The following SLC2A14 variants were observed in gnomAD, a reference collection of about 807,000 sequenced individuals.
The protein encoded by SLC2A14 is solute carrier family 2 member 14.
SLC2A14 carries 13 observed loss-of-function variants against 43.0 expected under a neutral mutation model. That is an observed-to-expected ratio of 0.30 (90% CI 0.20 to 0.48). The LOEUF (loss-of-function observed/expected upper bound fraction) is 0.48, where lower values mean the gene tolerates loss of function less well. Ranked by LOEUF, SLC2A14 falls within the 20% of genes least tolerant of loss-of-function variation. SLC2A14 has a pLI of 0.99. For missense variants in SLC2A14, 428 were observed against 620.4 expected, an observed-to-expected ratio of 0.69 and a Z score of 3.29; for synonymous variants, 190 against 233.8, an observed-to-expected ratio of 0.81 and a Z score of 1.71.
rs71281853 is a variant in SLC2A14, at chr12:7,860,793, C to CTT, written c.18+9068_18+9069dup. 1,070 of 146,894 alleles carry CTT rather than the reference C, an allele frequency of 7.3e-3. 10 individuals are homozygous for CTT. Among genetic ancestry groups the CTT allele is most frequent in the African/African-American group, 0.024 (953 of 40,094 alleles). The allele number at this position is 146,894 out of a possible 1,614,324, so 9.1% of individuals were successfully genotyped here. A position where few individuals can be genotyped will look rare whatever the true frequency, so the allele number is the denominator to read the frequency against. ...GCTCCCCACTGCACTTACTTGTCAA[C>CTT]TTTTTTTTTTTTTCCTGAGACAGAG... On this transcript the variant is annotated intron_variant, in intron 2 of 10. Coordinates refer to ENST00000431042, the MANE Select transcript of SLC2A14 (RefSeq NM_001286234.2).
At chr12:7,827,253 G>A (rs766728482) in intron 7 of SLC2A14, among the ~76,000 whole-genome samples, 105 of 143,048 alleles carry the variant, frequency 7.3e-4, no homozygotes, top group African/African-American at 2.4e-3. Flanking sequence ...GCACCACCAC[G>A]TCCAGCTAAT....
At chr12:7,891,143 G>C in exon 1 of SLC2A14, 1 of 1,530,236 alleles carries the variant, frequency 6.5e-7, no homozygotes, top group South Asian at 1.2e-5. Context: ...ACAAAAGTCA[G>C]GTTGTGTGGG....
chr12:7,884,099 A>T (rs10846119), intron 1 of SLC2A14, among the ~76,000 whole-genome samples: 28,199 of 150,956 alleles, frequency 0.19, 2,965 homozygotes, highest in Middle Eastern at 0.31. Context: ...AATTTTTTGT[A>T]TTTTTAGTAG....
chr12:7,871,115 T>G, intron 1 of SLC2A14: 1 of 1,340,364 alleles, frequency 7.5e-7, no homozygotes, highest in South Asian at 1.3e-5. Context: ...ACCACTTCCC[T>G]CACCATGTTT....
chr12:7,831,458 T>C, intron 4 of SLC2A14, 146 bp downstream of exon 4: 6 of 1,237,496 alleles, frequency 4.8e-6, no homozygotes, highest in Non-Finnish European at 6.7e-6. Flanking sequence ...GGCAGTCATA[T>C]TCGGGGCCAG....
intron 2 of SLC2A14, among the ~76,000 whole-genome samples, chr12:7,869,003 G>C (rs1174422566): frequency 1.3e-5 from 2 of 152,026 alleles, no homozygotes; most frequent in Admixed American, 1.3e-4. Flanking sequence ...AATTAGCCGG[G>C]CATGGTGGCT....
chr12:7,818,081 C>G, intron 9 of SLC2A14, 47 bp from the exon 10 acceptor site: 2 of 1,563,662 alleles, frequency 1.3e-6, no homozygotes, highest in South Asian at 1.2e-5. Flanking sequence ...GACAGTGTAA[C>G]CCAGGATCTA....
intron 2 of SLC2A14, among the ~76,000 whole-genome samples, chr12:7,837,566 G>A (rs1346032303): frequency 7.0e-6 from 1 of 143,762 alleles, no homozygotes; most frequent in Admixed American, 7.3e-5. Context: ...TTGAACCTGG[G>A]GGCGGAGGTT....
chr12:7,840,093 CAG>C (rs1865814774), intron 2 of SLC2A14, among the ~76,000 whole-genome samples: 1 of 126,552 alleles, frequency 7.9e-6, no homozygotes. Flanking sequence ...GCCTGGGAGA[CAG>C]AGCCAGACCC....
At chr12:7,819,328 G>A (rs974803202) in intron 9 of SLC2A14, among the ~76,000 whole-genome samples, 154 bp downstream of exon 9, 9 of 152,142 alleles carry the variant, frequency 5.9e-5, no homozygotes, top group African/African-American at 2.2e-4. Context: ...GTTCTCTGAT[G>A]ACCCATGTTT....
intron 2 of SLC2A14, chr12:7,840,038 G>A (rs1203323566): frequency 3.0e-6 from 1 of 338,560 alleles, no homozygotes; most frequent in South Asian, 2.3e-5. Context: ...CTTGAGCCCG[G>A]GAGGTCAAGC....
chr12:7,823,367 AGC>A, intron 7 of SLC2A14, among the ~76,000 whole-genome samples: 1 of 143,706 alleles, frequency 7.0e-6, no homozygotes, highest in Non-Finnish European at 1.5e-5. Flanking sequence ...TGGGCAACAG[AGC>A]GAGACTCCAT....
At chr12:7,886,103 C>A (rs907274613) in intron 1 of SLC2A14, among the ~76,000 whole-genome samples, 1 of 146,174 alleles carries the variant, frequency 6.8e-6, no homozygotes, top group Non-Finnish European at 1.5e-5. Context: ...TCTGCCTCAG[C>A]CTCCTGAGTA....
At chr12:7,853,915 T>C (rs35974170) in intron 2 of SLC2A14, among the ~76,000 whole-genome samples, 20,521 of 152,134 alleles carry the variant, frequency 0.13, 1,457 homozygotes, top group African/African-American at 0.16. Flanking sequence ...TGAATGGAAA[T>C]GAGCATCAAA....
intron 1 of SLC2A14, chr12:7,871,317 T>C: frequency 1.9e-6 from 2 of 1,064,650 alleles, no homozygotes; most frequent in South Asian, 2.6e-5. Context: ...AAAGACAAGT[T>C]CAACTAGGTG....
At chr12:7,871,514 C>A in intron 1 of SLC2A14, 1 of 163,964 alleles carries the variant, frequency 6.1e-6, no homozygotes, top group Admixed American at 6.1e-5. Context: ...TCCCAGCTCC[C>A]AGTGGAGAAA....
chr12:7,830,033 G>T, intron 4 of SLC2A14, 27 bp from the exon 5 acceptor site: 1 of 1,612,946 alleles, frequency 6.2e-7, no homozygotes, highest in Admixed American at 1.7e-5. Flanking sequence ...AGACAACATG[G>T]AATTAGCAAA....
intron 2 of SLC2A14, among the ~76,000 whole-genome samples, chr12:7,835,762 T>C (rs952149056): frequency 2.0e-5 from 3 of 152,208 alleles, no homozygotes; most frequent in African/African-American, 7.2e-5. Context: ...CACAAAAAGC[T>C]AGTAACTGCT....
At chr12:7,880,777 C>A (rs747352469) in intron 1 of SLC2A14, among the ~76,000 whole-genome samples, 2 of 150,018 alleles carry the variant, frequency 1.3e-5, no homozygotes, top group African/African-American at 4.9e-5. Flanking sequence ...GAGGCTGAGG[C>A]GGGTGGATCA....
Sources: allele counts gnomAD v4.1 joint callset (sites outside exome capture counted in the v4.1 genomes callset), GRCh38; gene constraint gnomAD v4.1.1; transcripts MANE v1.5; gene names NCBI Gene and HGNC (gene_info 2026-07-23, HGNC 2026-07-21).